ANKS1B: variants seen among roughly 807,000 people sequenced by gnomAD.
The protein encoded by ANKS1B is ankyrin repeat and sterile alpha motif domain containing 1B.
Under a neutral mutation model 148.3 loss-of-function variants are expected in ANKS1B, and 36 were observed. That is an observed-to-expected ratio of 0.24 (90% CI 0.19 to 0.32). The LOEUF is 0.32. Ranked by LOEUF, ANKS1B falls within the 10% of genes least tolerant of loss-of-function variation. ANKS1B has a pLI of 1.00. For synonymous variants in ANKS1B, 542 were observed against 560.8 expected, an observed-to-expected ratio of 0.97 and a Z score of 0.47; for missense variants, 1,157 against 1,542.6, an observed-to-expected ratio of 0.75 and a Z score of 4.19.
At chr12:99,965,228 A>G (rs774583045) in intron 1 of ANKS1B, among the ~76,000 whole-genome samples, 7 of 152,178 alleles carry the variant, frequency 4.6e-5, no homozygotes, top group Non-Finnish European at 8.8e-5. Context: ...GGAACATTTT[A>G]TGATGCCAAA....
intron 1 of ANKS1B, among the ~76,000 whole-genome samples, chr12:99,853,168 C>T (rs997176287): frequency 6.6e-6 from 1 of 152,112 alleles, no homozygotes; most frequent in South Asian, 2.1e-4. Context: ...CTCTTAGGAG[C>T]GCTATGGCCC....
chr12:98,858,994 A>G (rs188917044), intron 17 of ANKS1B, among the ~76,000 whole-genome samples: 2 of 152,328 alleles, frequency 1.3e-5, no homozygotes, highest in Non-Finnish European at 2.9e-5. Context: ...TCTTTCTAAG[A>G]TTTCAGGCAG....
At chr12:98,765,049 A>C (rs2098462349) in intron 25 of ANKS1B, among the ~76,000 whole-genome samples, 1 of 152,224 alleles carries the variant, frequency 6.6e-6, no homozygotes. Flanking sequence ...GTCGTGAATC[A>C]AAAACCGGGA....
At chr12:99,884,372 A>G (rs923938890) in intron 1 of ANKS1B, among the ~76,000 whole-genome samples, 1 of 152,234 alleles carries the variant, frequency 6.6e-6, no homozygotes, top group African/African-American at 2.4e-5. Flanking sequence ...ACATTCATTT[A>G]ACTTATGACC....
chr12:98,899,655 C>A (rs73139178), intron 17 of ANKS1B, among the ~76,000 whole-genome samples: 2,381 of 152,242 alleles, frequency 0.016, 24 homozygotes, highest in Non-Finnish European at 0.025. Flanking sequence ...TCTTGTCCAG[C>A]CAGTCTCCAC....
rs78327893 is a variant in ANKS1B, at chr12:99,904,886, C to T, written c.134+79218G>A. Among the ~76,000 whole-genome samples, 185 of 152,210 alleles carry T rather than the reference C, an allele frequency of 1.2e-3. 1 individual carries two copies. The East Asian group carries it at 0.018, about 15-fold the overall frequency. On this transcript the variant is annotated intron_variant, in intron 1 of 26. Coordinates refer to ENST00000683438, the MANE Select transcript of ANKS1B (RefSeq NM_001352186.2). ...ACCTTTTCTATTGTTACAAGTATTT[C>T]CTCTGTTGTATTTACTGAAGCGCAT...
At chr12:99,947,766 C>T (rs960362662) in intron 1 of ANKS1B, among the ~76,000 whole-genome samples, 1 of 152,086 alleles carries the variant, frequency 6.6e-6, no homozygotes, top group African/African-American at 2.4e-5. Flanking sequence ...ATAAGACCTC[C>T]GGGCATATTC....
chr12:99,350,813 T>A (rs1055457119), intron 12 of ANKS1B, among the ~76,000 whole-genome samples: 2 of 152,024 alleles, frequency 1.3e-5, no homozygotes, highest in Admixed American at 6.6e-5. Flanking sequence ...CTTCTTAGGC[T>A]CAGTATTTTC....
At chr12:99,190,494 T>TA (rs1410732326) in intron 14 of ANKS1B, among the ~76,000 whole-genome samples, 1 of 151,984 alleles carries the variant, frequency 6.6e-6, no homozygotes, top group African/African-American at 2.4e-5. Context: ...CAAAAACAGA[T>TA]ATACAGAGCA....
At chr12:99,340,575 C>T (rs961526223) in intron 12 of ANKS1B, among the ~76,000 whole-genome samples, 2 of 151,392 alleles carry the variant, frequency 1.3e-5, no homozygotes, top group Non-Finnish European at 2.9e-5. Context: ...AACCAAATGC[C>T]CCAGTACCAT....
intron 12 of ANKS1B, among the ~76,000 whole-genome samples, chr12:99,343,337 A>G (rs1262738753): frequency 6.6e-6 from 1 of 152,084 alleles, no homozygotes; most frequent in East Asian, 1.9e-4. Flanking sequence ...TTATTTCTCT[A>G]TTATTTGAAG....
chr12:99,091,588 G>T (rs2053998774), intron 15 of ANKS1B, among the ~76,000 whole-genome samples: 1 of 152,164 alleles, frequency 6.6e-6, no homozygotes, highest in South Asian at 2.1e-4. Flanking sequence ...AAGAAGAAAA[G>T]TTGATGTGAA....
At chr12:99,785,625 C>T (rs968564247) in intron 4 of ANKS1B, among the ~76,000 whole-genome samples, 1 of 151,944 alleles carries the variant, frequency 6.6e-6, no homozygotes, top group Non-Finnish European at 1.5e-5. Flanking sequence ...TAGAGAGGGG[C>T]TTTCACCATG....
chr12:99,438,318 T>C (rs551969360), intron 11 of ANKS1B, among the ~76,000 whole-genome samples: 69 of 152,038 alleles, frequency 4.5e-4, no homozygotes, highest in African/African-American at 1.6e-3. Context: ...AATTCTGTCT[T>C]TGGTACTATC....
chr12:98,884,105 T>C (rs1479818067), intron 17 of ANKS1B, among the ~76,000 whole-genome samples: 1 of 152,170 alleles, frequency 6.6e-6, no homozygotes, highest in Non-Finnish European at 1.5e-5. Flanking sequence ...TAAAATCAAA[T>C]CTGTATCACC....
chr12:99,840,853 C>A (rs189297653), intron 1 of ANKS1B, among the ~76,000 whole-genome samples: 18 of 152,170 alleles, frequency 1.2e-4, no homozygotes, highest in African/African-American at 4.1e-4. Context: ...AGAAGATAAT[C>A]TTTGTCTTGT....
chr12:99,470,980 T>C (rs998166967), intron 10 of ANKS1B, among the ~76,000 whole-genome samples: 15 of 152,118 alleles, frequency 9.9e-5, no homozygotes, highest in African/African-American at 3.4e-4. Flanking sequence ...AGATCTTACA[T>C]GTTATAAAAG....
At chr12:99,821,501 A>G (rs1025016161) in intron 2 of ANKS1B, among the ~76,000 whole-genome samples, 2 of 151,930 alleles carry the variant, frequency 1.3e-5, no homozygotes, top group African/African-American at 4.8e-5. Context: ...CATGGGCCAT[A>G]GAAAAACATA....
intron 15 of ANKS1B, among the ~76,000 whole-genome samples, chr12:99,115,949 A>AG (rs1178497796): frequency 6.6e-6 from 1 of 150,724 alleles, no homozygotes; most frequent in African/African-American, 2.4e-5. Flanking sequence ...AAAAAAAAAA[A>AG]AAAAAGATGC....
Sources: gnomAD v4.1 joint callset for allele counts (sites outside exome capture counted in the v4.1 genomes callset) on GRCh38, gnomAD v4.1.1 for gene constraint, MANE v1.5 for transcripts, NCBI Gene and HGNC (gene_info 2026-07-23, HGNC 2026-07-21) for gene names.